CYRIA: variants seen among roughly 807,000 people sequenced by gnomAD.
The protein encoded by CYRIA is CYFIP related Rac1 interactor A.
Under a neutral mutation model 43.9 loss-of-function variants are expected in CYRIA, and 15 were observed. The observed-to-expected ratio is 0.34, with a 90% CI of 0.23 to 0.53. The LOEUF (loss-of-function observed/expected upper bound fraction) is 0.53. CYRIA is among the 20% of genes least tolerant of loss of function. CYRIA has a pLI of 0.94. For missense variants in CYRIA, 236 were observed against 394.2 expected (o/e 0.60, Z 3.40); for synonymous variants, 117 against 136.0 (o/e 0.86, Z 0.97).
At chr2:16,661,053 C>T (rs571242169) in intron 1 of CYRIA, among the ~76,000 whole-genome samples, 21 of 152,222 alleles carry the variant, frequency 1.4e-4, no homozygotes, top group Non-Finnish European at 2.6e-4. Context: ...GAGGCCAAAG[C>T]GGAAGGACTG....
At chr2:16,662,829 C>T (rs993070713) in intron 1 of CYRIA, among the ~76,000 whole-genome samples, 3 of 152,320 alleles carry the variant, frequency 2.0e-5, no homozygotes, top group African/African-American at 7.2e-5. Flanking sequence ...CCTCTGGGCC[C>T]TACATCAGCC....
chr2:16,661,577 C>T (rs2103560334), intron 1 of CYRIA, among the ~76,000 whole-genome samples: 1 of 152,300 alleles, frequency 6.6e-6, no homozygotes, highest in Admixed American at 6.5e-5. Flanking sequence ...ACATCCCAGC[C>T]AACTGCAGAA....
chr2:16,628,357 C>A (rs1004043839), intron 1 of CYRIA, among the ~76,000 whole-genome samples: 1 of 152,166 alleles, frequency 6.6e-6, no homozygotes, highest in Non-Finnish European at 1.5e-5. Flanking sequence ...TCTGAACCAC[C>A]ATTTATCGGA....
chr2:16,627,885 AG>A (rs1254297840), intron 1 of CYRIA, among the ~76,000 whole-genome samples: 2 of 152,094 alleles, frequency 1.3e-5, no homozygotes, highest in Non-Finnish European at 2.9e-5. Context: ...TGGGCCAGGG[AG>A]GGGATGAAGG....
At chr2:16,622,681 A>G (rs1438977432) in intron 2 of CYRIA, among the ~76,000 whole-genome samples, 3 of 152,184 alleles carry the variant, frequency 2.0e-5, no homozygotes, top group African/African-American at 7.2e-5. Flanking sequence ...ATGGTGATTT[A>G]AGCAAAATCA....
intron 1 of CYRIA, among the ~76,000 whole-genome samples, chr2:16,663,865 AG>A (rs1209272698): frequency 2.0e-5 from 3 of 152,118 alleles, no homozygotes; most frequent in African/African-American, 7.2e-5. Flanking sequence ...GGACTAAGGA[AG>A]TCCCTGTGAT....
At chr2:16,564,231 G>C (rs1026319618) in intron 4 of CYRIA, 137 bp from the exon 5 acceptor site, 5 of 598,526 alleles carry the variant, frequency 8.4e-6, no homozygotes, top group Non-Finnish European at 1.4e-5. Context: ...CCGGTTCATC[G>C]GATGGTCCTC....
intron 1 of CYRIA, among the ~76,000 whole-genome samples, chr2:16,627,227 G>C (rs749371883): frequency 2.0e-5 from 3 of 152,036 alleles, no homozygotes; most frequent in Non-Finnish European, 2.9e-5. Context: ...TATCCACTAC[G>C]GGAGGCCGAA....
Position 16,650,463 on chromosome 2 carries a change from T to C in CYRIA, c.-167+15317A>G, listed in dbSNP as rs1039433305. Reference sequence around the variant, plus strand: ...GCAAATCATAAAGGTTTCATTGGTCTCTGGGCCAGTTCCTGATATCAGGGA... The same window carrying C: ...GCAAATCATAAAGGTTTCATTGGTCCCTGGGCCAGTTCCTGATATCAGGGA... On this transcript the variant is annotated intron_variant, in intron 1 of 11. Transcript: ENST00000381323. This position sits in a 1 kb window ranked among gnomAD's most constrained non-coding sequence, Gnocchi z 4.1. Among the ~76,000 whole-genome samples, 2 of 152,252 alleles carry C rather than the reference T, an allele frequency of 1.3e-5. No individual in the cohort carries two copies. The highest frequency in any genetic ancestry group is 1.3e-4 in the Admixed American group (2 of 15,294).
At chr2:16,625,101 C>T (rs6531252) in intron 1 of CYRIA, among the ~76,000 whole-genome samples, 106,282 of 151,920 alleles carry the variant, frequency 0.7, 38,517 homozygotes, top group East Asian at 0.99. Flanking sequence ...AAAGCTGAAA[C>T]TGTGGTAAGG....
chr2:16,636,908 T>C (rs1424746008), intron 1 of CYRIA, among the ~76,000 whole-genome samples: 2 of 152,114 alleles, frequency 1.3e-5, no homozygotes, highest in African/African-American at 4.8e-5. Flanking sequence ...CCTGGGAAGT[T>C]GAGGCTGCAG....
chr2:16,654,058 G>A (rs1670039806), intron 1 of CYRIA, among the ~76,000 whole-genome samples: 1 of 152,098 alleles, frequency 6.6e-6, no homozygotes, highest in Non-Finnish European at 1.5e-5. Flanking sequence ...CAGATACTGG[G>A]GAAGCCCAGC....
At chr2:16,661,330 A>G (rs1670248441) in intron 1 of CYRIA, among the ~76,000 whole-genome samples, 1 of 152,146 alleles carries the variant, frequency 6.6e-6, no homozygotes, top group Non-Finnish European at 1.5e-5. Flanking sequence ...CTGAAGAGCC[A>G]TCCATCCATA....
intron 2 of CYRIA, among the ~76,000 whole-genome samples, chr2:16,601,375 C>A (rs1668200979): frequency 6.6e-6 from 1 of 152,044 alleles, no homozygotes; most frequent in East Asian, 1.9e-4. Flanking sequence ...CCTCAATCCT[C>A]CAAAAACAGA....
chr2:16,562,662 C>T (rs745939555), intron 5 of CYRIA, among the ~76,000 whole-genome samples: 1 of 152,182 alleles, frequency 6.6e-6, no homozygotes, highest in Non-Finnish European at 1.5e-5. Flanking sequence ...AGTTTCACCA[C>T]TCCCACTTGT....
intron 8 of CYRIA, 33 bp from the exon 9 acceptor site, chr2:16,561,102 G>A: frequency 1.2e-6 from 2 of 1,610,132 alleles, no homozygotes; most frequent in African/African-American, 1.3e-5. Context: ...CATTAGTCCT[G>A]CTTGCAGCTC....
At chr2:16,632,482 T>C (rs1352487905) in intron 1 of CYRIA, among the ~76,000 whole-genome samples, 1 of 152,154 alleles carries the variant, frequency 6.6e-6, no homozygotes, top group African/African-American at 2.4e-5. Flanking sequence ...AATTTCCTCA[T>C]GTGAGCCTCA....
intron 10 of CYRIA, among the ~76,000 whole-genome samples, chr2:16,558,115 A>G (rs115016237): frequency 0.041 from 6,281 of 152,260 alleles, 214 homozygotes; most frequent in South Asian, 0.077. Flanking sequence ...GAAGGTACAC[A>G]TGCATGCTGC....
chr2:16,593,800 T>A (rs1330021640), intron 2 of CYRIA, among the ~76,000 whole-genome samples: 1 of 144,478 alleles, frequency 6.9e-6, no homozygotes, highest in Non-Finnish European at 1.5e-5. Context: ...TATGTATACA[T>A]GTGCCATGCT....
Sources: allele counts gnomAD v4.1 joint callset (sites outside exome capture counted in the v4.1 genomes callset), GRCh38; gene constraint gnomAD v4.1.1; non-coding constraint Gnocchi (gnomAD v3.1); transcripts MANE v1.5; gene names NCBI Gene and HGNC (gene_info 2026-07-23, HGNC 2026-07-21).